The following ADORA2B variants were observed in gnomAD, a reference collection of about 807,000 sequenced individuals.
The protein encoded by ADORA2B is adenosine A2b receptor.
In ADORA2B, 18 loss-of-function variants were observed where a neutral mutation model predicts 20.8. The ratio of observed to expected loss-of-function variants is 0.87; its 90% CI spans 0.60 to 1.29. ADORA2B has a LOEUF of 1.29. ADORA2B is among the 50% of genes most tolerant of loss of function. The probability of loss-of-function intolerance (pLI) is 0.00; values close to 1 mark genes in which losing one functional copy is unlikely to be tolerated. For synonymous variants in ADORA2B, 179 were observed against 178.3 expected (o/e 1.00, Z -0.03); for missense variants, 441 against 422.7 (o/e 1.04, Z -0.38).
chr17:15,868,568 C>G, the ADORA2B span, among the ~76,000 whole-genome samples: 3 of 134,086 alleles, frequency 2.2e-5, no homozygotes, highest in South Asian at 2.4e-4. Flanking sequence ...GTCAGGAGAT[C>G]GAGACCATCC....
chr17:15,895,677 C>CAATTTT, the ADORA2B span, among the ~76,000 whole-genome samples: 6 of 152,168 alleles, frequency 3.9e-5, no homozygotes, highest in East Asian at 1.2e-3. Flanking sequence ...TTTTTAATTC[C>CAATTTT]AATTTTAATT....
the ADORA2B span, among the ~76,000 whole-genome samples, chr17:15,938,180 G>GA: frequency 6.6e-3 from 971 of 148,166 alleles, 18 homozygotes; most frequent in African/African-American, 0.023. Context: ...AAAAGAGAGA[G>GA]AAAAAAAAGA....
chr17:15,940,874 AGCAAGCAATGCTTGCAGCT>A (rs1969738227), upstream of ADORA2B, among the ~76,000 whole-genome samples: 6 of 152,240 alleles, frequency 3.9e-5, no homozygotes, highest in South Asian at 1.2e-3. Context: ...AGGTTGCATG[AGCAAGCAATGCTTGCAGCT>A]GTGGCAGCCT....
At chr17:15,917,526 G>A in the ADORA2B span, among the ~76,000 whole-genome samples, 2 of 152,338 alleles carry the variant, frequency 1.3e-5, no homozygotes, top group Non-Finnish European at 2.9e-5. Flanking sequence ...GGGGTCTGAC[G>A]CCCGAGGACC....
At chr17:15,960,055 G>A (rs1970016086) in intron 1 of ADORA2B, among the ~76,000 whole-genome samples, 2 of 151,800 alleles carry the variant, frequency 1.3e-5, no homozygotes, top group African/African-American at 4.8e-5. Flanking sequence ...ATCATTTGAG[G>A]CCAGAAGTTC....
At chr17:15,895,733 G>A in the ADORA2B span, among the ~76,000 whole-genome samples, 3 of 152,212 alleles carry the variant, frequency 2.0e-5, no homozygotes, top group East Asian at 1.9e-4. Context: ...TGGAGAGGGC[G>A]GGCACAGTGA....
chr17:15,970,526 A>G (rs1442979844), intron 1 of ADORA2B, among the ~76,000 whole-genome samples: 1 of 152,230 alleles, frequency 6.6e-6, no homozygotes, highest in Non-Finnish European at 1.5e-5. Flanking sequence ...TGCAAGGAAC[A>G]CAGGCCTGTG....
chr17:15,956,590 CTTTTTTTTTTTTT>C (rs11290214), intron 1 of ADORA2B, among the ~76,000 whole-genome samples: 4 of 51,422 alleles, frequency 7.8e-5, no homozygotes, highest in Admixed American at 7.6e-4. Context: ...TTATGTGTGT[CTTTTTTTTTTTTT>C]TTTTTTTTTT....
chr17:15,927,955 TGGGACTACAGCGCCC>T, the ADORA2B span, among the ~76,000 whole-genome samples: 1 of 151,914 alleles, frequency 6.6e-6, no homozygotes, highest in African/African-American at 2.4e-5. Flanking sequence ...CCCGAGTAAC[TGGGACTACAGCGCCC>T]GCCACCACAC....
chr17:15,971,823 G>A (rs1190019746), intron 1 of ADORA2B, among the ~76,000 whole-genome samples: 1 of 151,972 alleles, frequency 6.6e-6, no homozygotes, highest in Non-Finnish European at 1.5e-5. Context: ...AGGAGAGACG[G>A]GGTTTCACCG....
chr17:15,975,423 T>C lies in ADORA2B; in HGVS notation c.*81T>C, dbSNP rs562670261. ...CACGGCTGGTTTTCATTGTGAAAGA[T>C]AGCTACACCTCACAAGGAAATGGAC... On this transcript the variant is annotated 3_prime_UTR_variant, in exon 2 of 2. Transcript: ENST00000304222. 404 of 1,419,390 alleles carry C rather than the reference T, an allele frequency of 2.8e-4. No individual in the cohort carries two copies. Among genetic ancestry groups the C allele is most frequent in the Middle Eastern group, 6.7e-4 (3 of 4,472 alleles). The allele number at this position is 1,419,390 out of a possible 1,614,324, so 87.9% of individuals were successfully genotyped here.
chr17:15,856,028 T>TA, the ADORA2B span, among the ~76,000 whole-genome samples: 11 of 152,280 alleles, frequency 7.2e-5, no homozygotes, highest in African/African-American at 2.6e-4. Flanking sequence ...TCTTCACTGA[T>TA]ACGGTTTCCC....
chr17:15,900,444 A>G, the ADORA2B span, among the ~76,000 whole-genome samples: 25 of 150,248 alleles, frequency 1.7e-4, no homozygotes, highest in South Asian at 5.2e-3. Flanking sequence ...TTTTATTTTT[A>G]TTTTTTATTT....
At chr17:15,899,160 G>A in the ADORA2B span, among the ~76,000 whole-genome samples, 35 of 152,102 alleles carry the variant, frequency 2.3e-4, 1 homozygote, top group Non-Finnish European at 2.9e-5. Flanking sequence ...AACCTGGGAG[G>A]CGGAGGTTGC....
the ADORA2B span, among the ~76,000 whole-genome samples, chr17:15,851,704 G>A: frequency 6.6e-6 from 1 of 152,160 alleles, no homozygotes; most frequent in Non-Finnish European, 1.5e-5. Flanking sequence ...TAGCTTTCCA[G>A]TCTCATATAA....
chr17:15,955,953 C>G (rs1969960845), intron 1 of ADORA2B, among the ~76,000 whole-genome samples: 1 of 152,136 alleles, frequency 6.6e-6, no homozygotes, highest in African/African-American at 2.4e-5. Flanking sequence ...CTCCTGACCT[C>G]AAGCGATCTG....
At chr17:15,919,078 C>T in the ADORA2B span, among the ~76,000 whole-genome samples, 1 of 152,142 alleles carries the variant, frequency 6.6e-6, no homozygotes, top group Non-Finnish European at 1.5e-5. Context: ...AGTGCCCAGC[C>T]TGACTGCTGG....
rs763223235 is a variant in ADORA2B at position 15,974,958 on chromosome 17, C to T, written c.615C>T (p.Ile205=). 1.2e-6 allele frequency: 2 copies of T among 1,614,168 alleles called. No homozygotes were observed. The highest frequency in any genetic ancestry group is 1.1e-5 in the South Asian group (1 of 91,076). The change falls in exon 2 of 2, where the codon ATC becomes ATT. Residue 205 remains isoleucine, a synonymous_variant. Transcript: ENST00000304222. ...TAATGCTGGTGATCTACATTAAGAT[C>T]TTCCTGGTGGCCTGCAGGCAGCTTC... ...LLIMLVIYIK[I]FLVACRQLQR...
chr17:15,957,473 A>G (rs1212830990), intron 1 of ADORA2B, among the ~76,000 whole-genome samples: 1 of 152,200 alleles, frequency 6.6e-6, no homozygotes, highest in African/African-American at 2.4e-5. Flanking sequence ...CACACGGGAC[A>G]GGTTCAAGAG....
Sources: gnomAD v4.1 joint callset for allele counts (sites outside exome capture counted in the v4.1 genomes callset) on GRCh38, gnomAD v4.1.1 for gene constraint, MANE v1.5 for transcripts, NCBI Gene and HGNC (gene_info 2026-07-23, HGNC 2026-07-21) for gene names.